The following EFR3A variants were observed in gnomAD, a reference collection of about 807,000 sequenced individuals.
EFR3A encodes the protein protein EFR3 homolog A.
Under a neutral mutation model 104.4 loss-of-function variants are expected in EFR3A, and 76 were observed. The ratio of observed to expected loss-of-function variants is 0.73; its 90% CI spans 0.60 to 0.88. The LOEUF (loss-of-function observed/expected upper bound fraction) is 0.88. Ranked by LOEUF, EFR3A falls within the 40% of genes least tolerant of loss-of-function variation. The pLI, the probability that EFR3A is intolerant of heterozygous loss-of-function variation, is 0.00. For synonymous variants in EFR3A, 330 were observed against 330.0 expected (o/e 1.00, Z 0.00); for missense variants, 985 against 1,012.5 (o/e 0.97, Z 0.37).
In EFR3A at chr8:131,940,630, G is replaced by A. The variant is rs1445665257; in HGVS notation, c.87+55G>A. 1.9e-5 allele frequency: 30 copies of A among 1,559,650 alleles called. No individual in the cohort carries two copies. The Admixed American group carries it at 2.9e-4, about 15-fold the overall frequency. ...TCTTTGCTGACCCATTCTGCCCCCCGCTGACCTCCTTAAGGTTTCCCTAAT... is the reference window on the plus strand; with the variant it reads ...TCTTTGCTGACCCATTCTGCCCCCCACTGACCTCCTTAAGGTTTCCCTAAT... On this transcript the variant is annotated intron_variant, in intron 2 of 22. Transcript: ENST00000254624.
At chr8:131,935,434 T>G in intron 1 of EFR3A, 1 of 390,588 alleles carries the variant, frequency 2.6e-6, no homozygotes, top group South Asian at 1.9e-5. Flanking sequence ...TTGTTACAGG[T>G]GCTGTGATAG....
intron 10 of EFR3A, among the ~76,000 whole-genome samples, chr8:131,973,610 T>A (rs1175160564): frequency 2.6e-5 from 4 of 152,158 alleles, no homozygotes; most frequent in African/African-American, 9.7e-5. Context: ...TCCTTAATAG[T>A]TTCCTTTTTA....
At chr8:132,002,348 C>T (rs375297226) in intron 20 of EFR3A, among the ~76,000 whole-genome samples, 3 of 152,160 alleles carry the variant, frequency 2.0e-5, no homozygotes, top group Non-Finnish European at 4.4e-5. Context: ...GTAAGAGAGA[C>T]AAAGGCATTC....
Position 132,013,509 on chromosome 8 carries a change from A to C in EFR3A, c.*2614A>C, listed in dbSNP as rs1822454170. 1 of 152,674 alleles carries C rather than the reference A, an allele frequency of 6.5e-6. No homozygotes were observed. 9.5% of individuals were successfully genotyped at this position (152,674 alleles called of 1,614,324 possible). ...TATCTGTATTAAATGCAATAAAGTT[A>C]GTTTTTGAAATGTAAAAATTCACTG... On this transcript the variant is annotated 3_prime_UTR_variant, in exon 23 of 23. Transcript: ENST00000254624.
rs566317741 is a variant in EFR3A at position 132,000,450 on chromosome 8, G to A, written c.2158-1309G>A. ...GCCGACTTGGGGGTTCTTGATGCTAGGAAGCTGCATCATAATTATCTGAAT... is the reference window on the plus strand; with the variant it reads ...GCCGACTTGGGGGTTCTTGATGCTAAGAAGCTGCATCATAATTATCTGAAT... On this transcript the variant is annotated intron_variant, in intron 19 of 22. Coordinates refer to ENST00000254624, the MANE Select transcript of EFR3A (RefSeq NM_015137.6). 1.8e-3 allele frequency among the ~76,000 whole-genome samples: 280 copies of A among 152,246 alleles called. 2 individuals carry two copies. The highest frequency in any genetic ancestry group is 6.5e-3 in the African/African-American group (272 of 41,538).
intron 1 of EFR3A, among the ~76,000 whole-genome samples, chr8:131,906,092 A>G (rs1236726771): frequency 6.6e-6 from 1 of 152,196 alleles, no homozygotes; most frequent in Non-Finnish European, 1.5e-5. Flanking sequence ...TTATGACTGA[A>G]TAAAAATGTG....
chr8:131,935,168 G>T (rs1481831303), intron 1 of EFR3A, among the ~76,000 whole-genome samples: 3 of 152,120 alleles, frequency 2.0e-5, no homozygotes, highest in Non-Finnish European at 4.4e-5. Context: ...CTGTTTGTTG[G>T]AAAAATCATA....
At chr8:131,959,035 A>G (rs1413387660) in intron 7 of EFR3A, among the ~76,000 whole-genome samples, 1 of 152,222 alleles carries the variant, frequency 6.6e-6, no homozygotes, top group Admixed American at 6.5e-5. Context: ...TGATCATTTT[A>G]TTCCTGAACC....
intron 1 of EFR3A, among the ~76,000 whole-genome samples, chr8:131,926,438 ATCT>A (rs1333287293): frequency 1.3e-5 from 2 of 152,122 alleles, no homozygotes; most frequent in East Asian, 1.9e-4. Context: ...AAAAATTTGT[ATCT>A]TCTTATTTCG....
chr8:131,942,262 C>A (rs1818202363), intron 2 of EFR3A, among the ~76,000 whole-genome samples: 1 of 152,054 alleles, frequency 6.6e-6, no homozygotes, highest in Admixed American at 6.6e-5. Flanking sequence ...AGGAAAAGAT[C>A]TACATGAACC....
intron 10 of EFR3A, among the ~76,000 whole-genome samples, chr8:131,971,713 A>G (rs1820064547): frequency 6.6e-6 from 1 of 151,864 alleles, no homozygotes; most frequent in African/African-American, 2.4e-5. Context: ...TTCAAGTTAG[A>G]TATTCCTGAC....
chr8:131,911,290 C>T (rs1048155165), intron 1 of EFR3A, among the ~76,000 whole-genome samples: 1 of 152,158 alleles, frequency 6.6e-6, no homozygotes, highest in East Asian at 1.9e-4. Context: ...AACCTTTTAA[C>T]ATTATCTTAT....
At chr8:131,950,805 T>A (rs1338586304) in intron 5 of EFR3A, among the ~76,000 whole-genome samples, 1 of 152,176 alleles carries the variant, frequency 6.6e-6, no homozygotes, top group African/African-American at 2.4e-5. Flanking sequence ...GAGGTTGTCA[T>A]GACAACTGTC....
intron 1 of EFR3A, among the ~76,000 whole-genome samples, chr8:131,922,093 C>G (rs1817060829): frequency 6.6e-6 from 1 of 152,136 alleles, no homozygotes. Flanking sequence ...CTGGTATTTA[C>G]TGTAGTCCTT....
rs1446224730 is a variant in EFR3A at position 131,979,311 on chromosome 8, C to T, written c.1500-35C>T. ...AGATGTGATATTGTAAATAAGTGTGCTATTCATTAAAAATGATATATTGAT... is the reference window on the plus strand; with the variant it reads ...AGATGTGATATTGTAAATAAGTGTGTTATTCATTAAAAATGATATATTGAT... On this transcript the variant is annotated intron_variant, in intron 13 of 22. Coordinates refer to ENST00000254624, the MANE Select transcript of EFR3A (RefSeq NM_015137.6). 4 of 1,382,820 alleles carry T rather than the reference C, an allele frequency of 2.9e-6. No individual in the cohort carries two copies. The Admixed American group carries it at 8.4e-5, about 29-fold the overall frequency. The allele number at this position is 1,382,820 out of a possible 1,614,324, so 85.7% of individuals were successfully genotyped here. A position where few individuals can be genotyped will look rare whatever the true frequency, so the allele number is the denominator to read the frequency against.
chr8:131,982,444 A>G (rs1820663069), intron 14 of EFR3A, among the ~76,000 whole-genome samples: 1 of 152,076 alleles, frequency 6.6e-6, no homozygotes, highest in Non-Finnish European at 1.5e-5. Context: ...GCTCCTAAAA[A>G]CATGCTTGTA....
intron 18 of EFR3A, among the ~76,000 whole-genome samples, chr8:131,988,438 T>A (rs76512286): frequency 0.036 from 5,440 of 152,126 alleles, 190 homozygotes; most frequent in African/African-American, 0.092. Context: ...AGTGCAGTCT[T>A]TGTAAATGGC....
At chr8:131,953,431 A>T (rs1339946163) in intron 5 of EFR3A, among the ~76,000 whole-genome samples, 1 of 152,132 alleles carries the variant, frequency 6.6e-6, no homozygotes, top group Non-Finnish European at 1.5e-5. Context: ...CTGAAGAAGC[A>T]TGAAGGGTGT....
chr8:131,917,743 G>A (rs1033876964), intron 1 of EFR3A, among the ~76,000 whole-genome samples: 1 of 152,080 alleles, frequency 6.6e-6, no homozygotes, highest in South Asian at 2.1e-4. Flanking sequence ...CAGGTTCTTT[G>A]TGTATAATGC....
Sources: allele counts gnomAD v4.1 joint callset (sites outside exome capture counted in the v4.1 genomes callset), GRCh38; gene constraint gnomAD v4.1.1; transcripts MANE v1.5; gene names NCBI Gene and HGNC (gene_info 2026-07-23, HGNC 2026-07-21).